Variants in BMP7 observed in about 807,000 individuals in gnomAD.
BMP7 encodes the protein bone morphogenetic protein 7.
In BMP7, 12 loss-of-function variants were observed where a neutral mutation model predicts 41.2. That is an observed-to-expected ratio of 0.29 (90% CI 0.19 to 0.47). BMP7 has a LOEUF of 0.47. BMP7 is among the 20% of genes least tolerant of loss of function. The pLI, the probability that BMP7 is intolerant of heterozygous loss-of-function variation, is 0.99. For synonymous variants in BMP7, 248 were observed against 250.0 expected (o/e 0.99, Z 0.07); for missense variants, 467 against 606.0 (o/e 0.77, Z 2.41).
At position 57,171,219 on chromosome 20, in the gene BMP7, G is replaced by A; in HGVS notation, c.1147-111C>T. ...GTCTGGGCATAATGAATGACTGCAG[G>A]TGACACTCCCCAAGCCAAGCACTCC... On this transcript the variant is annotated intron_variant, in intron 6 of 6. Coordinates refer to ENST00000395863, the MANE Select transcript of BMP7 (RefSeq NM_001719.3). This position sits in a 1 kb window ranked among gnomAD's most constrained non-coding sequence, Gnocchi z 4.5. 4 of 1,475,236 alleles carry A rather than the reference G, an allele frequency of 2.7e-6. No individual in the cohort carries two copies. The highest frequency in any genetic ancestry group is 3.7e-6 in the Non-Finnish European group (4 of 1,068,496). 91.4% of individuals were successfully genotyped at this position (1,475,236 alleles called of 1,614,324 possible).
chr20:57,198,114 CCTCTCCTCTCCCCTCCTCTCCTCTCG>C, intron 3 of BMP7, among the ~76,000 whole-genome samples: 3 of 142,098 alleles, frequency 2.1e-5, no homozygotes, highest in Non-Finnish European at 4.6e-5. Context: ...CTCTTGCTCT[CCTCTCCTCTCCCCTCCTCTCCTCTCG>C]CTCTCCTCTC....
intron 2 of BMP7, among the ~76,000 whole-genome samples, chr20:57,207,832 T>C (rs1489044285): frequency 7.1e-6 from 1 of 141,604 alleles, no homozygotes; most frequent in Non-Finnish European, 1.5e-5. Context: ...TTTTTTTTTT[T>C]TTTTTTTTGA....
chr20:57,189,270 A>T (rs976397788), intron 3 of BMP7, among the ~76,000 whole-genome samples: 1 of 152,236 alleles, frequency 6.6e-6, no homozygotes. Context: ...AGAGGAAATC[A>T]CAGAGAAGAA....
At chr20:57,203,549 G>A (rs1301746420) in intron 2 of BMP7, among the ~76,000 whole-genome samples, 3 of 152,022 alleles carry the variant, frequency 2.0e-5, no homozygotes, top group Non-Finnish European at 4.4e-5. Context: ...GGGTAAATGG[G>A]TGGATGGATG....
chr20:57,222,819 G>A (rs1055327597), intron 2 of BMP7, among the ~76,000 whole-genome samples: 3 of 138,668 alleles, frequency 2.2e-5, no homozygotes, highest in African/African-American at 8.0e-5. Context: ...GCCTTCAGGA[G>A]CAGCAAGAAA....
Position 57,183,781 on chromosome 20 carries a change from C to A in BMP7, c.899G>T (p.Ser300Ile), listed in dbSNP as rs745550040. The A allele has an allele frequency of 1.2e-6, 2 of 1,614,212 alleles. No homozygotes were observed. Among genetic ancestry groups the A allele is most frequent in the Non-Finnish European group, 1.7e-6 (2 of 1,180,042 alleles). The change falls in exon 4 of 7, where the codon AGC becomes ATC. Residue 300 changes from serine to isoleucine, a missense_variant. Ser to Ile is a moderately radical substitution (Grantham distance 142, BLOSUM62 -2). Transcript: ENST00000395863. ...CTTGGGCGTCTTGGAGCGGTTCTGG[C>A]TGCGCTGTTTGCTCCCCGTGGACCG... ...SIRSTGSKQR[S>I]QNRSKTPKNQ...
chr20:57,230,030 G>GGA (rs2066022991), intron 1 of BMP7, among the ~76,000 whole-genome samples: 1 of 152,246 alleles, frequency 6.6e-6, no homozygotes, highest in African/African-American at 2.4e-5. Flanking sequence ...GCTGGGCACA[G>GGA]GAGCATCCCT....
At chr20:57,172,335 AAAAC>A (rs1213177206) in intron 6 of BMP7, among the ~76,000 whole-genome samples, 11 of 152,376 alleles carry the variant, frequency 7.2e-5, no homozygotes, top group African/African-American at 1.9e-4. Context: ...AACACTTAAA[AAAAC>A]AAACAAAGAA....
intron 3 of BMP7, among the ~76,000 whole-genome samples, chr20:57,186,171 C>T (rs1984206717): frequency 6.6e-6 from 1 of 152,178 alleles, no homozygotes; most frequent in Non-Finnish European, 1.5e-5. Context: ...AAAGTGTGTA[C>T]AGCCTGACAA....
At chr20:57,191,195 G>A (rs935396729) in intron 3 of BMP7, among the ~76,000 whole-genome samples, 3 of 152,172 alleles carry the variant, frequency 2.0e-5, no homozygotes, top group Non-Finnish European at 4.4e-5. Context: ...CTTAGAAGGT[G>A]CATCATGAAG....
chr20:57,220,881 C>T (rs529511872), intron 2 of BMP7, among the ~76,000 whole-genome samples: 5 of 152,286 alleles, frequency 3.3e-5, no homozygotes, highest in South Asian at 2.1e-4. Flanking sequence ...TTTGGTAGGA[C>T]GAACTAGCTC....
intron 3 of BMP7, among the ~76,000 whole-genome samples, chr20:57,199,318 C>T (rs183033848): frequency 4.4e-4 from 67 of 152,310 alleles, no homozygotes; most frequent in African/African-American, 1.5e-3. Flanking sequence ...GCACCGTGCA[C>T]GACTTTGCCA....
At chr20:57,258,260 T>A (rs2066141456) in intron 1 of BMP7, among the ~76,000 whole-genome samples, 1 of 152,234 alleles carries the variant, frequency 6.6e-6, no homozygotes, top group Non-Finnish European at 1.5e-5. Context: ...CCCCTCGGTA[T>A]CTGGCCCTGA....
At chr20:57,265,004 C>T (rs1206150770) in intron 1 of BMP7, among the ~76,000 whole-genome samples, 1 of 127,948 alleles carries the variant, frequency 7.8e-6, no homozygotes. Context: ...GCACTCCAGA[C>T]TGGGCGACAA....
chr20:57,205,242 C>A (rs1295141191), intron 2 of BMP7, among the ~76,000 whole-genome samples: 5 of 152,236 alleles, frequency 3.3e-5, no homozygotes, highest in African/African-American at 9.6e-5. Context: ...TAGAGCCACA[C>A]AGGACTTTGA....
At chr20:57,187,471 T>C (rs976005422) in intron 3 of BMP7, among the ~76,000 whole-genome samples, 2 of 151,888 alleles carry the variant, frequency 1.3e-5, no homozygotes, top group African/African-American at 4.8e-5. Flanking sequence ...ACATGACCCA[T>C]TTTGGCCAAT....
At chr20:57,198,162 T>G (rs1984545299) in intron 3 of BMP7, among the ~76,000 whole-genome samples, 1 of 107,050 alleles carries the variant, frequency 9.3e-6, no homozygotes. Flanking sequence ...CCCTCCTCTC[T>G]ATCCTCTCCT....
chr20:57,259,190 T>A lies in BMP7; in HGVS notation c.418+6515A>T, dbSNP rs1297687838. Among the ~76,000 whole-genome samples, 1 of 152,024 alleles carries A rather than the reference T, an allele frequency of 6.6e-6. No individual in the cohort carries two copies. Among genetic ancestry groups the A allele is most frequent in the Non-Finnish European group, 1.5e-5 (1 of 67,986 alleles). On this transcript the variant is annotated intron_variant, in intron 1 of 6. Transcript: ENST00000395863. The surrounding 1 kb of genome is among the most constrained non-coding windows in gnomAD (Gnocchi z 4.7). ...CACTGCTGTCACCGAGAACTTCCGTTACACGGCAGTGAAGCCCCCAATCCC... is the reference window on the plus strand; with the variant it reads ...CACTGCTGTCACCGAGAACTTCCGTAACACGGCAGTGAAGCCCCCAATCCC...
chr20:57,203,711 A>G (rs899511046), intron 2 of BMP7, among the ~76,000 whole-genome samples: 2 of 152,246 alleles, frequency 1.3e-5, no homozygotes, highest in Admixed American at 1.3e-4. Context: ...GTCCTTTAAT[A>G]GTCAACTAGA....
Sources: gnomAD v4.1 joint callset for allele counts (sites outside exome capture counted in the v4.1 genomes callset) on GRCh38, gnomAD v4.1.1 for gene constraint, Gnocchi (gnomAD v3.1) non-coding constraint, MANE v1.5 for transcripts, NCBI Gene and HGNC (gene_info 2026-07-23, HGNC 2026-07-21) for gene names.